MTUS1: variants seen among roughly 807,000 people sequenced by gnomAD.
MTUS1 encodes the protein microtubule-associated tumor suppressor 1.
Under a neutral mutation model 120.8 loss-of-function variants are expected in MTUS1, and 109 were observed. The ratio of observed to expected loss-of-function variants is 0.90; its 90% CI spans 0.77 to 1.06. The LOEUF is 1.06. Among genes scored for constraint, MTUS1 ranks in the 50% least tolerant of loss-of-function variants. The pLI, the probability that MTUS1 is intolerant of heterozygous loss-of-function variation, is 0.00. For missense variants in MTUS1, 2,210 were observed against 1,486.3 expected, an observed-to-expected ratio of 1.49 and a Z score of -8.01; for synonymous variants, 737 against 550.5, an observed-to-expected ratio of 1.34 and a Z score of -4.74.
In MTUS1 at chr8:17,755,196, G is replaced by A. The variant is rs141833395; in HGVS notation, c.612C>T (p.Ser204=). The change falls in exon 2 of 15, where the codon TCC becomes TCT. Residue 204 remains serine (S), a synonymous_variant. Coordinates refer to ENST00000693296, the MANE Select transcript of MTUS1 (RefSeq NM_001363059.2). ...GRRSGSTSSL[S]YSTWTSSHSD... ...AATGGGAAGATGTCCAAGTGGAATA[G>A]GATAAAGAAGATGTACTTCCACTTC... 2.5e-6 allele frequency: 4 copies of A among 1,614,060 alleles called. No homozygotes were observed. The highest frequency in any genetic ancestry group is 3.4e-6 in the Non-Finnish European group (4 of 1,180,044).
At chr8:17,663,696 A>G (rs1164160515) in intron 8 of MTUS1, among the ~76,000 whole-genome samples, 1 of 152,058 alleles carries the variant, frequency 6.6e-6, no homozygotes, top group Non-Finnish European at 1.5e-5. Flanking sequence ...CCCAGGTTTA[A>G]GCGATTCTCC....
intron 1 of MTUS1, among the ~76,000 whole-genome samples, chr8:17,756,938 AAAGT>A (rs879692193): frequency 1.3e-5 from 2 of 152,204 alleles, no homozygotes; most frequent in Non-Finnish European, 2.9e-5. Context: ...AAACTGTGAG[AAAGT>A]AAGTTTTTGT....
At chr8:17,681,212 G>A (rs1407283916) in intron 7 of MTUS1, among the ~76,000 whole-genome samples, 1 of 152,184 alleles carries the variant, frequency 6.6e-6, no homozygotes, top group African/African-American at 2.4e-5. Flanking sequence ...GGGATTACAG[G>A]TGTGAGCCAC....
intron 1 of MTUS1, among the ~76,000 whole-genome samples, chr8:17,768,255 C>G (rs2049719587): frequency 1.3e-5 from 2 of 152,084 alleles, no homozygotes; most frequent in African/African-American, 4.8e-5. Flanking sequence ...TCTCTTTCTT[C>G]AAATAAACTA....
At chr8:17,763,455 G>A (rs940276203) in intron 1 of MTUS1, among the ~76,000 whole-genome samples, 2 of 152,176 alleles carry the variant, frequency 1.3e-5, no homozygotes, top group African/African-American at 4.8e-5. Context: ...CCACGTGGAG[G>A]GAGTTTAATT....
In MTUS1 at chr8:17,723,665, G is replaced by C. The variant is rs778773802; in HGVS notation, c.2449+7C>G. On this transcript the variant is annotated splice_region_variant and intron_variant, in intron 4 of 14. Coordinates refer to ENST00000693296, the MANE Select transcript of MTUS1 (RefSeq NM_001363059.2). ...AACCCCCGAAGTGTGATATAAAGTC[G>C]ACTTACAATTGTTGCTGTAAGTGCT... is the stretch of plus-strand genomic sequence containing the variant. The C allele has an allele frequency of 1.2e-6, 2 of 1,605,976 alleles. No homozygotes were observed. Among genetic ancestry groups the C allele is most frequent in the Admixed American group, 3.3e-5 (2 of 59,844 alleles).
At chr8:17,762,346 A>C (rs1264468124) in intron 1 of MTUS1, among the ~76,000 whole-genome samples, 1 of 152,184 alleles carries the variant, frequency 6.6e-6, no homozygotes, top group South Asian at 2.1e-4. Flanking sequence ...CATGTATTAT[A>C]AAAAATATAT....
chr8:17,761,189 T>A (rs28505478), intron 1 of MTUS1, among the ~76,000 whole-genome samples: 1 of 152,132 alleles, frequency 6.6e-6, no homozygotes, highest in African/African-American at 2.4e-5. Context: ...GTCAAAGAAC[T>A]ACTAGTACAA....
chr8:17,666,137 G>T (rs4388484), intron 8 of MTUS1, among the ~76,000 whole-genome samples: 1 of 144,372 alleles, frequency 6.9e-6, no homozygotes, highest in Admixed American at 6.9e-5. Flanking sequence ...CAAACACTCC[G>T]TGTATAAACG....
intron 8 of MTUS1, chr8:17,664,024 G>C (rs1810357700): frequency 6.6e-6 from 1 of 152,236 alleles, no homozygotes; most frequent in Non-Finnish European, 1.5e-5. Context: ...TTGTATAACT[G>C]TTACGGCTTG....
intron 5 of MTUS1, among the ~76,000 whole-genome samples, chr8:17,714,651 T>G (rs943837844): frequency 2.6e-5 from 4 of 151,804 alleles, no homozygotes; most frequent in Non-Finnish European, 5.9e-5. Flanking sequence ...TACAGAAGAG[T>G]ATATTCATTA....
At chr8:17,708,906 G>C (rs1310437460) in intron 6 of MTUS1, 1 of 152,202 alleles carries the variant, frequency 6.6e-6, no homozygotes, top group African/African-American at 2.4e-5. Flanking sequence ...CGGAGGCCGA[G>C]GCGGGCGGAT....
chr8:17,760,587 C>T (rs1186371204), intron 1 of MTUS1, among the ~76,000 whole-genome samples: 5 of 152,108 alleles, frequency 3.3e-5, no homozygotes, highest in Admixed American at 1.3e-4. Flanking sequence ...TGTTTTACTG[C>T]CTATTTTATT....
intron 1 of MTUS1, among the ~76,000 whole-genome samples, chr8:17,799,864 G>C (rs1386235228): frequency 1.3e-5 from 2 of 151,792 alleles, no homozygotes; most frequent in African/African-American, 4.8e-5. Flanking sequence ...AGGTTTTTTA[G>C]CTTTGGTTTT....
In MTUS1 at chr8:17,755,458, A is replaced by C; in HGVS notation, c.350T>G (p.Leu117Arg). The change falls in exon 2 of 15, where the codon CTG (leucine) becomes CGG (arginine). Residue 117 changes from leucine to arginine, a missense_variant. By Grantham distance (102) the Leu-to-Arg change is moderately radical (BLOSUM62 -2). Transcript: ENST00000693296. ...ALVGTEKPKY[L>R]QHSCHSLEAV... ...TTCTAGGGAATGACAACTGTGTTGC[A>C]GATATTTGGGCTTCTCAGTACCTAC... 6.2e-7 allele frequency: 1 copy of C among 1,614,228 alleles called. No individual in the cohort carries two copies. Among genetic ancestry groups the C allele is most frequent in the East Asian group, 2.2e-5 (1 of 44,878 alleles).
chr8:17,674,951 C>T (rs780536232), intron 8 of MTUS1: 396 of 1,270,642 alleles, frequency 3.1e-4, no homozygotes, highest in Non-Finnish European at 3.7e-4. Flanking sequence ...AAATATTTTG[C>T]TCATCAGAAG....
intron 8 of MTUS1, chr8:17,674,770 A>G: frequency 4.0e-6 from 4 of 1,005,310 alleles, no homozygotes; most frequent in Non-Finnish European, 4.7e-6. Context: ...TCAACTTCAT[A>G]CTCACTACTC....
intron 1 of MTUS1, among the ~76,000 whole-genome samples, chr8:17,764,634 C>T (rs975705781): frequency 6.6e-6 from 1 of 152,208 alleles, no homozygotes; most frequent in Admixed American, 6.5e-5. Context: ...TTAGGCTTTA[C>T]AGGATGTGCG....
At chr8:17,781,580 T>C (rs1182391970) in intron 1 of MTUS1, among the ~76,000 whole-genome samples, 1 of 152,200 alleles carries the variant, frequency 6.6e-6, no homozygotes, top group Non-Finnish European at 1.5e-5. Flanking sequence ...CCTCATAAAA[T>C]GACTAACTTC....
Sources: gnomAD v4.1 joint callset for allele counts (sites outside exome capture counted in the v4.1 genomes callset) on GRCh38, gnomAD v4.1.1 for gene constraint, MANE v1.5 for transcripts, NCBI Gene and HGNC (gene_info 2026-07-23, HGNC 2026-07-21) for gene names.